Variants in GHITM observed in about 807,000 individuals in gnomAD.
GHITM encodes growth hormone-inducible transmembrane protein.
A neutral mutation model predicts 38.7 loss-of-function variants in GHITM; 24 were observed. The observed-to-expected ratio is 0.62, with a 90% CI of 0.45 to 0.87. The LOEUF is 0.87. Among genes scored for constraint, GHITM ranks in the 40% least tolerant of loss-of-function variants. The pLI is 0.00. For synonymous variants in GHITM, 154 were observed against 147.8 expected (o/e 1.04, Z -0.30); for missense variants, 420 against 429.8 (o/e 0.98, Z 0.20).
chr10:84,151,536 TAATC>T (rs1396362531), intron 8 of GHITM, among the ~76,000 whole-genome samples: 3 of 152,220 alleles, frequency 2.0e-5, no homozygotes, highest in East Asian at 1.9e-4. Flanking sequence ...AGAAATGTAT[TAATC>T]AAGTATTATT....
At chr10:84,142,792 G>C (rs781646000) in intron 3 of GHITM, 38 bp downstream of exon 3, 1 of 1,131,542 alleles carries the variant, frequency 8.8e-7, no homozygotes, top group African/African-American at 1.5e-5. Context: ...TAGAATCTAT[G>C]GATATGTTTT....
intron 1 of GHITM, chr10:84,139,845 A>T (rs961369868): frequency 9.2e-5 from 14 of 152,510 alleles, no homozygotes; most frequent in African/African-American, 3.4e-4. Flanking sequence ...GTGCTGAGTC[A>T]TCCTTGCGGC....
At chr10:84,148,942 T>A in intron 6 of GHITM, 104 bp downstream of exon 6, 1 of 703,064 alleles carries the variant, frequency 1.4e-6, no homozygotes. Flanking sequence ...GCCTCATGTT[T>A]AGAAAACACC....
rs1171856278 is a variant in GHITM at position 84,148,791 on chromosome 10, A to T, written c.545A>T (p.Tyr182Phe). 3.1e-6 allele frequency: 5 copies of T among 1,613,312 alleles called. No homozygotes were observed. The South Asian group carries it at 5.5e-5, about 18-fold the overall frequency. Residue 182 changes from tyrosine (Y) to phenylalanine (F), a missense_variant, in exon 6 of 9, where the codon TAT becomes TTT. Coordinates refer to ENST00000372134, the MANE Select transcript of GHITM (RefSeq NM_014394.3). ...GGAATGCTGGTACGATCAATACCAT[A>T]TGACCAGAGCCCAGGCCCAAAGCAT... ...GAGMLVRSIPYDQSPGPKHLA... is the reference protein window; with the variant it reads ...GAGMLVRSIPFDQSPGPKHLA...
intron 2 of GHITM, 50 bp downstream of exon 2, chr10:84,141,679 CT>C: frequency 6.3e-7 from 1 of 1,596,066 alleles, no homozygotes; most frequent in Non-Finnish European, 8.6e-7. Flanking sequence ...CATTTGTGCC[CT>C]TTCTTTTTGG....
chr10:84,147,587 C>G (rs1245460804), intron 5 of GHITM, among the ~76,000 whole-genome samples: 2 of 151,928 alleles, frequency 1.3e-5, no homozygotes, highest in African/African-American at 4.8e-5. Context: ...CTAGAGTTAA[C>G]CTTTTCAACT....
In GHITM at chr10:84,145,022, T is replaced by C; in HGVS notation, c.483+6T>C. The C allele has an allele frequency of 1.3e-6, 2 of 1,583,062 alleles. No individual in the cohort carries two copies. Reference sequence around the variant, plus strand: ...TGATGAGAGGCTCTTGGGTGGTAAGTCAGCTGTTTTTGTTTTCCTTTTTCA... The same window carrying C: ...TGATGAGAGGCTCTTGGGTGGTAAGCCAGCTGTTTTTGTTTTCCTTTTTCA... On this transcript the variant is annotated splice_donor_region_variant and intron_variant, in intron 5 of 8. Coordinates refer to ENST00000372134, the MANE Select transcript of GHITM (RefSeq NM_014394.3).
intron 5 of GHITM, among the ~76,000 whole-genome samples, chr10:84,147,954 A>G (rs182544573): frequency 6.6e-6 from 1 of 152,286 alleles, no homozygotes; most frequent in African/African-American, 2.4e-5. Flanking sequence ...ATGGAGTTCA[A>G]AGTGATGTGC....
intron 8 of GHITM, among the ~76,000 whole-genome samples, chr10:84,151,209 G>T (rs1184021531): frequency 6.6e-6 from 1 of 152,184 alleles, no homozygotes; most frequent in Non-Finnish European, 1.5e-5. Flanking sequence ...TTCACATGGT[G>T]CTCTTCCTGT....
chr10:84,148,892 G>A (rs974776848), intron 6 of GHITM, 54 bp downstream of exon 6: 10 of 1,049,850 alleles, frequency 9.5e-6, no homozygotes, highest in Non-Finnish European at 1.2e-5. Context: ...CCTTTTTTGG[G>A]TGGCTCTTCA....
At chr10:84,149,966 G>A (rs1177335690) in intron 6 of GHITM, 89 bp from the exon 7 acceptor site, 1 of 1,020,066 alleles carries the variant, frequency 9.8e-7, no homozygotes, top group Non-Finnish European at 1.4e-6. Context: ...TAAACAGTAA[G>A]GTATAATATA....
chr10:84,150,191 C>T lies in GHITM; in HGVS notation c.729C>T (p.Asn243=). 1 of 1,613,596 alleles carries T rather than the reference C, an allele frequency of 6.2e-7. No individual in the cohort carries two copies. Among genetic ancestry groups the T allele is most frequent in the Non-Finnish European group, 8.5e-7 (1 of 1,179,912 alleles). ...AMCAPSEKFL[N]MGAPLGVGLG... ...GTGCGCCCAGTGAAAAGTTTCTGAA[C>T]ATGGGTGCACCCCTGGGAGTGGGCC... Residue 243 remains asparagine (N), a synonymous_variant, in exon 7 of 9, where the codon AAC becomes AAT. Transcript: ENST00000372134.
At chr10:84,141,790 C>T (rs1387926952) in intron 2 of GHITM, among the ~76,000 whole-genome samples, 161 bp downstream of exon 2, 1 of 152,172 alleles carries the variant, frequency 6.6e-6, no homozygotes, top group Non-Finnish European at 1.5e-5. Flanking sequence ...TCATTCTGGT[C>T]CCTCCTTATC....
intron 8 of GHITM, among the ~76,000 whole-genome samples, chr10:84,151,912 A>G (rs1009411696): frequency 2.6e-5 from 4 of 152,192 alleles, no homozygotes; most frequent in African/African-American, 9.6e-5. Context: ...ATATTAAAAA[A>G]TGCTAGACTT....
intron 1 of GHITM, chr10:84,140,670 T>A (rs1363318401): frequency 6.6e-6 from 1 of 152,016 alleles, no homozygotes; most frequent in Non-Finnish European, 1.5e-5. Context: ...CACCTCACCT[T>A]AGCATTACAG....
intron 3 of GHITM, 29 bp downstream of exon 3, chr10:84,142,783 A>G: frequency 8.4e-7 from 1 of 1,187,744 alleles, no homozygotes; most frequent in Non-Finnish European, 1.3e-6. Context: ...TTTTTAACCT[A>G]GAATCTATGG....
chr10:84,152,165 T>A (rs918413873), intron 8 of GHITM, 99 bp from the exon 9 acceptor site: 10 of 586,806 alleles, frequency 1.7e-5, no homozygotes, highest in Non-Finnish European at 2.4e-5. Context: ...CCATTTTATA[T>A]CACTAAGACA....
chr10:84,148,692 A>G (rs1564643014), intron 5 of GHITM, 38 bp from the exon 6 acceptor site: 1 of 1,272,046 alleles, frequency 7.9e-7, no homozygotes, highest in African/African-American at 1.5e-5. Context: ...TTGTTTTCAT[A>G]TAAAGATCAG....
chr10:84,150,654 CAGT>C, intron 7 of GHITM, 52 bp from the exon 8 acceptor site: 1 of 1,374,074 alleles, frequency 7.3e-7, no homozygotes, highest in Non-Finnish European at 1.0e-6. Flanking sequence ...ATCATAAACT[CAGT>C]TATCGGAAAT....
Sources: gnomAD v4.1 joint callset for allele counts (sites outside exome capture counted in the v4.1 genomes callset) on GRCh38, gnomAD v4.1.1 for gene constraint, MANE v1.5 for transcripts, NCBI Gene and HGNC (gene_info 2026-07-23, HGNC 2026-07-21) for gene names.